Variants in COQ8A observed in about 807,000 individuals in gnomAD.
COQ8A encodes the protein coenzyme Q8A, also known as atypical kinase COQ8A, mitochondrial.
A neutral mutation model predicts 65.0 loss-of-function variants in COQ8A; 51 were observed. The observed-to-expected ratio is 0.78, with a 90% CI of 0.63 to 0.99. The LOEUF is 0.99. COQ8A is among the 50% of genes least tolerant of loss of function. COQ8A has a pLI of 0.00. For synonymous variants in COQ8A, 371 were observed against 353.2 expected, an observed-to-expected ratio of 1.05 and a Z score of -0.57; for missense variants, 940 against 875.0, an observed-to-expected ratio of 1.07 and a Z score of -0.94.
At chr1:226,960,391 A>ACTTGGTGGTG (rs764848152) in intron 1 of COQ8A, among the ~76,000 whole-genome samples, 1 of 5,660 alleles carries the variant, frequency 1.8e-4, no homozygotes, top group Non-Finnish European at 2.8e-4. Context: ...TGGTGGTGTC[A>ACTTGGTGGTG]GTGGTGGTAC....
chr1:226,947,050 G>A (rs1425833543), intron 1 of COQ8A, among the ~76,000 whole-genome samples: 3 of 152,248 alleles, frequency 2.0e-5, no homozygotes, highest in Admixed American at 6.5e-5. Context: ...AGAGCAGGGA[G>A]TTTGGCCAGA....
chr1:226,973,413 C>T (rs752768373), intron 4 of COQ8A, among the ~76,000 whole-genome samples: 2 of 152,180 alleles, frequency 1.3e-5, no homozygotes, highest in Non-Finnish European at 2.9e-5. Flanking sequence ...TGGCCCAGGG[C>T]CATATGGTTA....
chr1:226,968,099 A>G (rs1282895038), intron 4 of COQ8A, among the ~76,000 whole-genome samples: 1 of 152,198 alleles, frequency 6.6e-6, no homozygotes, highest in East Asian at 1.9e-4. Context: ...TGGGAGGCCG[A>G]GGTGGGAGAA....
chr1:226,951,277 A>G (rs114007260), intron 1 of COQ8A, among the ~76,000 whole-genome samples: 1 of 152,194 alleles, frequency 6.6e-6, no homozygotes, highest in East Asian at 1.9e-4. Flanking sequence ...ATGATTTTAT[A>G]TCAGCCCAAG....
At chr1:226,970,086 G>A (rs1416701928) in intron 4 of COQ8A, among the ~76,000 whole-genome samples, 1 of 152,132 alleles carries the variant, frequency 6.6e-6, no homozygotes, top group Non-Finnish European at 1.5e-5. Flanking sequence ...TCGAATAGCT[G>A]GAATTACAGG....
rs1314315638 is a variant in COQ8A, at chr1:226,987,096, G to C, written c.*359G>C. On this transcript the variant is annotated 3_prime_UTR_variant, in exon 15 of 15. Coordinates refer to ENST00000366777, the MANE Select transcript of COQ8A (RefSeq NM_020247.5). ...CAATCTCTGTTCAGTGCAAAACCCA[G>C]AAACATGAACAGATACGATTGTGGG... 1.8e-5 allele frequency: 6 copies of C among 339,776 alleles called. No individual in the cohort carries two copies. In the Admixed American group the frequency reaches 2.3e-4, roughly 13 times the overall value. 21.0% of individuals were successfully genotyped at this position (339,776 alleles called of 1,614,324 possible). A position where few individuals can be genotyped will look rare whatever the true frequency, so the allele number is the denominator to read the frequency against.
At chr1:226,985,112 G>A (rs1008860101) in intron 13 of COQ8A, 142 bp from the exon 14 acceptor site, 22 of 1,249,220 alleles carry the variant, frequency 1.8e-5, no homozygotes, top group Admixed American at 8.5e-5. Context: ...GCTGCCAGGC[G>A]TGGTGTCACA....
chr1:226,941,039 C>T (rs942945751), intron 1 of COQ8A, among the ~76,000 whole-genome samples: 1 of 152,184 alleles, frequency 6.6e-6, no homozygotes, highest in African/African-American at 2.4e-5. Flanking sequence ...CCCCTAAACT[C>T]GAACCTTTCC....
chr1:226,943,079 G>C (rs1656799272), intron 1 of COQ8A, among the ~76,000 whole-genome samples: 2 of 152,206 alleles, frequency 1.3e-5, no homozygotes, highest in African/African-American at 4.8e-5. Flanking sequence ...TCCTTGGTCA[G>C]TTAGGGGATC....
intron 4 of COQ8A, among the ~76,000 whole-genome samples, chr1:226,966,354 T>C (rs1178515555): frequency 6.6e-6 from 1 of 152,234 alleles, no homozygotes; most frequent in African/African-American, 2.4e-5. Context: ...GGTGATTTTA[T>C]AGTGAAGGTT....
chr1:226,963,098 T>C (rs1022819976), intron 2 of COQ8A, among the ~76,000 whole-genome samples: 6 of 152,222 alleles, frequency 3.9e-5, no homozygotes, highest in Non-Finnish European at 7.4e-5. Context: ...TTAGCCCTAA[T>C]GGCGAGCAGG....
intron 9 of COQ8A, 49 bp downstream of exon 9, chr1:226,983,682 C>G (rs1221710326): frequency 1.9e-6 from 3 of 1,612,142 alleles, no homozygotes; most frequent in Non-Finnish European, 2.5e-6. Flanking sequence ...TGGCAGGCAT[C>G]TGTGTTGGGT....
chr1:226,957,281 G>GCCC (rs552731385), intron 1 of COQ8A, among the ~76,000 whole-genome samples: 15 of 29,218 alleles, frequency 5.1e-4, no homozygotes, highest in East Asian at 1.8e-3. Context: ...CACTCTCCCT[G>GCCC]CCCCCCCCCC....
chr1:226,953,360 C>G (rs535308522), intron 1 of COQ8A, among the ~76,000 whole-genome samples: 53 of 152,302 alleles, frequency 3.5e-4, no homozygotes, highest in African/African-American at 1.2e-3. Context: ...ATGTGGAATG[C>G]CCTCCTATGA....
Position 226,985,298 on chromosome 1 carries a change from GAAA to G in COQ8A, c.1618_1620del (p.Lys540del). The G allele has an allele frequency of 6.2e-7, 1 of 1,613,826 alleles. No homozygotes were observed. The highest frequency in any genetic ancestry group is 8.5e-7 in the Non-Finnish European group (1 of 1,180,026). ...ACAGGGACAGGGAGACTGTGCGGGC[GAAA>G]TCCATAGAGATGAAGTTCCTCACCG... On this transcript the variant is annotated inframe_deletion, in exon 14 of 15. Coordinates refer to ENST00000366777, the MANE Select transcript of COQ8A (RefSeq NM_020247.5).
At chr1:226,956,501 G>C (rs1306909187) in intron 1 of COQ8A, among the ~76,000 whole-genome samples, 23 of 104,058 alleles carry the variant, frequency 2.2e-4, no homozygotes, top group East Asian at 6.3e-4. Flanking sequence ...CACTCTCCCT[G>C]GTTCACACTC....
At chr1:226,955,768 A>ATT (rs1657685316) in intron 1 of COQ8A, among the ~76,000 whole-genome samples, 2 of 67,376 alleles carry the variant, frequency 3.0e-5, no homozygotes, top group African/African-American at 6.9e-5. Flanking sequence ...CCTGGCTCCC[A>ATT]CTCCCTGGTT....
chr1:226,982,527 G>C, intron 6 of COQ8A, 151 bp from the exon 7 acceptor site: 1 of 851,452 alleles, frequency 1.2e-6, no homozygotes, highest in Non-Finnish European at 1.9e-6. Context: ...GGCCGAGGGC[G>C]TGTGTGCGAG....
chr1:226,959,398 C>T (rs1658007608), intron 1 of COQ8A, among the ~76,000 whole-genome samples: 1 of 150,552 alleles, frequency 6.6e-6, no homozygotes, highest in African/African-American at 2.5e-5. Context: ...CCAGCCCGGG[C>T]AACATAGTGA....
Sources: allele counts gnomAD v4.1 joint callset (sites outside exome capture counted in the v4.1 genomes callset), GRCh38; gene constraint gnomAD v4.1.1; transcripts MANE v1.5; gene names NCBI Gene and HGNC (gene_info 2026-07-23, HGNC 2026-07-21).